Variants in PRKN observed in about 807,000 individuals in gnomAD.
PRKN encodes the protein parkin RBR E3 ubiquitin protein ligase.
A neutral mutation model predicts 59.5 loss-of-function variants in PRKN; 56 were observed. That is an observed-to-expected ratio of 0.94 (90% CI 0.76 to 1.18). PRKN has a LOEUF of 1.18. PRKN is among the 50% of genes most tolerant of loss of function. PRKN has a pLI of 0.00. For missense variants in PRKN, 657 were observed against 596.4 expected (o/e 1.10, Z -1.06); for synonymous variants, 250 against 222.1 (o/e 1.13, Z -1.12).
At position 161,397,904 on chromosome 6, in the gene PRKN, T is replaced by C. The variant is rs1786839710; in HGVS notation, c.1084-11027A>G. 1.3e-5 allele frequency among the ~76,000 whole-genome samples: 2 copies of C among 152,098 alleles called. No individual in the cohort carries two copies. The highest frequency in any genetic ancestry group is 1.3e-4 in the Admixed American group (2 of 15,256). The stretch of plus-strand genomic sequence containing the variant: ...TCAATGGTCAGCTAGATTCAGAGGC[T>C]AAGATCACAGGCATGATGGGGTGGA... On this transcript the variant is annotated intron_variant, in intron 9 of 11. Coordinates refer to ENST00000366898, the MANE Select transcript of PRKN (RefSeq NM_004562.3). This position sits in a 1 kb window ranked among gnomAD's most constrained non-coding sequence, Gnocchi z 4.2.
At chr6:162,577,882 T>G (rs1033991260) in intron 1 of PRKN, among the ~76,000 whole-genome samples, 2 of 152,082 alleles carry the variant, frequency 1.3e-5, no homozygotes, top group Non-Finnish European at 2.9e-5. Flanking sequence ...TGAGCTGGGA[T>G]CACACCAGTG....
At chr6:161,666,080 C>T (rs1262008683) in intron 7 of PRKN, among the ~76,000 whole-genome samples, 1 of 152,176 alleles carries the variant, frequency 6.6e-6, no homozygotes, top group Non-Finnish European at 1.5e-5. Context: ...GTCCCGTGAG[C>T]CTCTTCTATC....
intron 6 of PRKN, among the ~76,000 whole-genome samples, chr6:161,945,939 T>C (rs1021901626): frequency 2.6e-5 from 4 of 152,212 alleles, no homozygotes; most frequent in African/African-American, 9.6e-5. Context: ...ATTTTTTATA[T>C]TTCTATATAT....
At chr6:162,006,317 C>T (rs1011984781) in intron 5 of PRKN, among the ~76,000 whole-genome samples, 3 of 152,142 alleles carry the variant, frequency 2.0e-5, no homozygotes, top group African/African-American at 7.2e-5. Flanking sequence ...CTAATTGATG[C>T]TTTTGCCCCA....
At chr6:161,476,846 G>C (rs1791108490) in intron 9 of PRKN, among the ~76,000 whole-genome samples, 1 of 152,210 alleles carries the variant, frequency 6.6e-6, no homozygotes, top group Non-Finnish European at 1.5e-5. Context: ...CCTCTGTGAA[G>C]ACGTTATCCA....
rs2115420448 is a variant in PRKN at position 161,546,196 on chromosome 6, A to G, written c.1083+2658T>C. Among the ~76,000 whole-genome samples, 1 of 152,328 alleles carries G rather than the reference A, an allele frequency of 6.6e-6. No individual in the cohort carries two copies. The highest frequency in any genetic ancestry group is 1.5e-5 in the Non-Finnish European group (1 of 68,024). ...AATCTGCACTTAACTCTGTGCCAGG[A>G]ACTATTCTAAGTATTTTACACTTAT... On this transcript the variant is annotated intron_variant, in intron 9 of 11. Coordinates refer to ENST00000366898, the MANE Select transcript of PRKN (RefSeq NM_004562.3). This position sits in a 1 kb window ranked among gnomAD's most constrained non-coding sequence, Gnocchi z 4.4.
intron 4 of PRKN, among the ~76,000 whole-genome samples, chr6:162,076,339 G>C (rs1372464743): frequency 6.6e-6 from 1 of 151,798 alleles, no homozygotes. Flanking sequence ...TTTGTCCTTG[G>C]ACAAGTATGT....
intron 2 of PRKN, among the ~76,000 whole-genome samples, chr6:162,301,627 A>G (rs1162433090): frequency 6.6e-6 from 1 of 151,928 alleles, no homozygotes; most frequent in Non-Finnish European, 1.5e-5. Context: ...TTGTGCTCTC[A>G]TGGTATTTCT....
At chr6:162,331,102 G>C (rs1423753018) in intron 2 of PRKN, among the ~76,000 whole-genome samples, 4 of 152,118 alleles carry the variant, frequency 2.6e-5, no homozygotes, top group Non-Finnish European at 4.4e-5. Flanking sequence ...GCCAAGGCAG[G>C]CCGATCACTT....
At chr6:162,294,349 G>A (rs1450928497) in intron 2 of PRKN, among the ~76,000 whole-genome samples, 1 of 150,576 alleles carries the variant, frequency 6.6e-6, no homozygotes, top group Non-Finnish European at 1.5e-5. Flanking sequence ...CAGAGAGAGA[G>A]GAGAGAGACA....
In PRKN at chr6:161,467,642, G is replaced by A. The variant is rs1181282042; in HGVS notation, c.1084-80765C>T. On this transcript the variant is annotated intron_variant, in intron 9 of 11. Coordinates refer to ENST00000366898, the MANE Select transcript of PRKN (RefSeq NM_004562.3). This position sits in a 1 kb window ranked among gnomAD's most constrained non-coding sequence, Gnocchi z 4.3. ...TTCCTGGAGATGATGACGCTTGAGA[G>A]GAGTCTCAAAGGATGTGCAGGAGCG... Among the ~76,000 whole-genome samples the A allele has an allele frequency of 6.6e-6, 1 of 152,192 alleles. No individual in the cohort carries two copies. The highest frequency in any genetic ancestry group is 1.5e-5 in the Non-Finnish European group (1 of 68,040).
intron 2 of PRKN, among the ~76,000 whole-genome samples, chr6:162,414,967 A>G (rs1415982904): frequency 6.6e-6 from 1 of 152,090 alleles, no homozygotes; most frequent in Non-Finnish European, 1.5e-5. Flanking sequence ...CTGTTCTTTT[A>G]TTTAAGAAAA....
At chr6:161,755,841 A>G (rs991392996) in intron 7 of PRKN, among the ~76,000 whole-genome samples, 7 of 152,088 alleles carry the variant, frequency 4.6e-5, no homozygotes, top group Non-Finnish European at 1.0e-4. Flanking sequence ...ATGTCTTATC[A>G]AGCAGGTGAG....
At chr6:161,979,377 A>G (rs1240710867) in intron 5 of PRKN, among the ~76,000 whole-genome samples, 1 of 152,098 alleles carries the variant, frequency 6.6e-6, no homozygotes, top group African/African-American at 2.4e-5. Context: ...GTTTCAAGCA[A>G]ATCTCATGTC....
In PRKN at chr6:161,944,422, G is replaced by A. The variant is rs568836792; in HGVS notation, c.734+28880C>T. ...ACCCCATGCTGAATACATAGAAGCT[G>A]CTTATTGCCTTGTTGCCCCATCACC... is the stretch of plus-strand genomic sequence containing the variant. On this transcript the variant is annotated intron_variant, in intron 6 of 11. Coordinates refer to ENST00000366898, the MANE Select transcript of PRKN (RefSeq NM_004562.3). Among the ~76,000 whole-genome samples the A allele has an allele frequency of 9.9e-5, 15 of 152,186 alleles. No individual in the cohort carries two copies. The South Asian group carries it at 2.9e-3, about 29-fold the overall frequency.
intron 3 of PRKN, among the ~76,000 whole-genome samples, chr6:162,206,901 G>A (rs141826326): frequency 0.01 from 1,572 of 152,268 alleles, 19 homozygotes; most frequent in African/African-American, 0.026. Flanking sequence ...TCCAGCAAGC[G>A]CTTCTTTACA....
chr6:161,646,112 C>T (rs1783931192), intron 7 of PRKN, among the ~76,000 whole-genome samples: 1 of 82,994 alleles, frequency 1.2e-5, no homozygotes, highest in Non-Finnish European at 2.7e-5. Context: ...GGCGGCGTAT[C>T]AGTGACAGTG....
At chr6:162,342,252 T>C (rs916994881) in intron 2 of PRKN, among the ~76,000 whole-genome samples, 60 of 152,176 alleles carry the variant, frequency 3.9e-4, no homozygotes, top group African/African-American at 1.4e-3. Context: ...CATCTGATTA[T>C]GGCCAACGTT....
At chr6:161,392,716 T>G (rs963299485) in intron 9 of PRKN, among the ~76,000 whole-genome samples, 4 of 151,948 alleles carry the variant, frequency 2.6e-5, no homozygotes, top group African/African-American at 9.7e-5. Flanking sequence ...GTGCCACACT[T>G]TTAACTTAAT....
Sources: allele counts gnomAD v4.1 joint callset (sites outside exome capture counted in the v4.1 genomes callset), GRCh38; gene constraint gnomAD v4.1.1; non-coding constraint Gnocchi (gnomAD v3.1); transcripts MANE v1.5; gene names NCBI Gene and HGNC (gene_info 2026-07-23, HGNC 2026-07-21).